GPC6: variants seen among roughly 807,000 people sequenced by gnomAD.
GPC6 encodes glypican-6.
GPC6 carries 14 observed loss-of-function variants against 55.2 expected under a neutral mutation model. That is an observed-to-expected ratio of 0.25 (90% confidence interval 0.17 to 0.40). The LOEUF is 0.40. GPC6 is among the 10% of genes least tolerant of loss of function. GPC6 has a pLI of 1.00. For synonymous variants in GPC6, 278 were observed against 259.6 expected (o/e 1.07, Z -0.68); for missense variants, 641 against 708.5 (o/e 0.90, Z 1.08).
intron 4 of GPC6, among the ~76,000 whole-genome samples, chr13:94,255,177 C>A (rs1404025247): frequency 1.3e-5 from 2 of 152,110 alleles, no homozygotes; most frequent in Admixed American, 1.3e-4. Context: ...CCTTTTAGTG[C>A]AAAACTAAGA....
At position 94,169,564 on chromosome 13, in the gene GPC6, A is replaced by T. The variant is rs74938647; in HGVS notation, c.878-116785A>T. 8.5e-5 allele frequency among the ~76,000 whole-genome samples: 13 copies of T among 152,338 alleles called. No individual in the cohort carries two copies. In the East Asian group the frequency reaches 2.5e-3, roughly 29 times the overall value. Reference sequence around the variant, plus strand: ...TGAATACTTAATAAGGCCAGAAAACATACCGAGCCAGAAATAAACAGATGC... The same window carrying T: ...TGAATACTTAATAAGGCCAGAAAACTTACCGAGCCAGAAATAAACAGATGC... On this transcript the variant is annotated intron_variant, in intron 4 of 8. Coordinates refer to ENST00000377047, the MANE Select transcript of GPC6 (RefSeq NM_005708.5).
At chr13:94,279,561 C>G (rs1006763052) in intron 4 of GPC6, among the ~76,000 whole-genome samples, 7 of 152,098 alleles carry the variant, frequency 4.6e-5, no homozygotes, top group African/African-American at 1.7e-4. Context: ...ATCTTTCTAG[C>G]TTTCTGATGT....
intron 3 of GPC6, among the ~76,000 whole-genome samples, chr13:93,906,390 G>C (rs1225902964): frequency 6.6e-6 from 1 of 152,118 alleles, no homozygotes; most frequent in Non-Finnish European, 1.5e-5. Flanking sequence ...GCTTATTATA[G>C]TTGGGAATCA....
rs528378967 is a variant in GPC6, at chr13:94,055,472, T to A, written c.877+27578T>A. Reference sequence around the variant, plus strand: ...TTTAAATGTAAATCTACTATTATAATAAAATGAAACGTGATTATTTTACCA... The same window carrying A: ...TTTAAATGTAAATCTACTATTATAAAAAAATGAAACGTGATTATTTTACCA... On this transcript the variant is annotated intron_variant, in intron 4 of 8. Transcript: ENST00000377047. Among the ~76,000 whole-genome samples the A allele has an allele frequency of 6.6e-5, 10 of 152,278 alleles. No homozygotes were observed. The South Asian group carries it at 2.1e-3, about 32-fold the overall frequency.
intron 4 of GPC6, among the ~76,000 whole-genome samples, chr13:94,211,097 C>G (rs1184832291): frequency 6.6e-6 from 1 of 152,154 alleles, no homozygotes; most frequent in African/African-American, 2.4e-5. Flanking sequence ...ACTTTCCTTC[C>G]TATCCTGTAC....
chr13:93,730,916 C>G (rs1192684564), intron 2 of GPC6, among the ~76,000 whole-genome samples: 1 of 152,156 alleles, frequency 6.6e-6, no homozygotes, highest in Non-Finnish European at 1.5e-5. Flanking sequence ...AACAGGACCT[C>G]ACCCCTTGCT....
intron 4 of GPC6, among the ~76,000 whole-genome samples, chr13:94,168,609 G>A (rs1287444395): frequency 1.3e-5 from 2 of 149,892 alleles, no homozygotes; most frequent in African/African-American, 4.9e-5. Flanking sequence ...CTCCATGAAA[G>A]AAAAAAGTAT....
intron 1 of GPC6, among the ~76,000 whole-genome samples, chr13:93,272,251 T>C (rs1454036305): frequency 6.6e-6 from 1 of 151,982 alleles, no homozygotes; most frequent in Non-Finnish European, 1.5e-5. Flanking sequence ...GACTTAGCTT[T>C]GGGAATATGT....
chr13:93,664,583 T>A (rs1340284670), intron 2 of GPC6, among the ~76,000 whole-genome samples: 1 of 152,030 alleles, frequency 6.6e-6, no homozygotes, highest in Admixed American at 6.6e-5. Flanking sequence ...ATTATTGCCA[T>A]CTTCAGGAAG....
At chr13:93,678,178 C>T (rs1881717865) in intron 2 of GPC6, among the ~76,000 whole-genome samples, 1 of 151,992 alleles carries the variant, frequency 6.6e-6, no homozygotes, top group African/African-American at 2.4e-5. Flanking sequence ...AGAAAAGATA[C>T]CATAATATGC....
chr13:94,370,576 T>G (rs1879496007), intron 6 of GPC6, among the ~76,000 whole-genome samples: 1 of 152,238 alleles, frequency 6.6e-6, no homozygotes, highest in Non-Finnish European at 1.5e-5. Context: ...TTTTGGAACT[T>G]TTTCTGAACT....
intron 1 of GPC6, among the ~76,000 whole-genome samples, chr13:93,366,752 A>G (rs1881264860): frequency 6.6e-6 from 1 of 152,066 alleles, no homozygotes; most frequent in Non-Finnish European, 1.5e-5. Flanking sequence ...AAGTTTGAGC[A>G]GTAATTTATG....
chr13:93,465,233 A>G (rs1026521530), intron 1 of GPC6, among the ~76,000 whole-genome samples: 3 of 152,220 alleles, frequency 2.0e-5, no homozygotes, highest in Non-Finnish European at 4.4e-5. Context: ...CACCAGCTGC[A>G]TTAGCCTCTA....
At chr13:93,562,840 A>G (rs1055711433) in intron 2 of GPC6, among the ~76,000 whole-genome samples, 1 of 152,162 alleles carries the variant, frequency 6.6e-6, no homozygotes, top group East Asian at 1.9e-4. Flanking sequence ...GGGTGACATC[A>G]TTACCTTTTC....
chr13:93,891,937 G>A (rs188772219), intron 3 of GPC6, among the ~76,000 whole-genome samples: 2 of 151,810 alleles, frequency 1.3e-5, no homozygotes, highest in East Asian at 3.9e-4. Context: ...AGTATATAGT[G>A]TATGCATGTG....
At chr13:93,334,493 C>T (rs1001882481) in intron 1 of GPC6, among the ~76,000 whole-genome samples, 4 of 152,106 alleles carry the variant, frequency 2.6e-5, no homozygotes, top group African/African-American at 7.2e-5. Flanking sequence ...GACAGAGTCT[C>T]ACTCTGTTGC....
At chr13:93,612,481 A>G (rs555656595) in intron 2 of GPC6, among the ~76,000 whole-genome samples, 35 of 145,860 alleles carry the variant, frequency 2.4e-4, no homozygotes, top group African/African-American at 8.9e-4. Context: ...CCTGGGCGAT[A>G]GTGCGAGACT....
At chr13:94,025,424 C>G (rs201219134) in intron 3 of GPC6, 1 of 102,634 alleles carries the variant, frequency 9.7e-6, no homozygotes, top group Non-Finnish European at 2.1e-5. Context: ...TTTTTTTTTT[C>G]TTTTTTTGTG....
chr13:94,127,465 T>C (rs1203885177), intron 4 of GPC6, among the ~76,000 whole-genome samples: 1 of 152,120 alleles, frequency 6.6e-6, no homozygotes, highest in Admixed American at 6.6e-5. Context: ...ATTGGAAGCT[T>C]CCTGAGGCCT....
Sources: gnomAD v4.1 joint callset for allele counts (sites outside exome capture counted in the v4.1 genomes callset) on GRCh38, gnomAD v4.1.1 for gene constraint, MANE v1.5 for transcripts, NCBI Gene and HGNC (gene_info 2026-07-23, HGNC 2026-07-21) for gene names.